The following FAM83B variants were observed in gnomAD, a reference collection of about 807,000 sequenced individuals.
FAM83B encodes protein FAM83B.
FAM83B carries 26 observed loss-of-function variants against 38.8 expected under a neutral mutation model. The ratio of observed to expected loss-of-function variants is 0.67; its 90% CI spans 0.49 to 0.93. The LOEUF is 0.93. Among genes scored for constraint, FAM83B ranks in the 40% least tolerant of loss-of-function variants. The pLI, the probability that FAM83B is intolerant of heterozygous loss-of-function variation, is 0.00. For missense variants in FAM83B, 1,237 were observed against 1,197.3 expected (o/e 1.03, Z -0.49); for synonymous variants, 419 against 423.1 (o/e 0.99, Z 0.12).
chr6:54,875,949 T>C (rs1367341491), intron 2 of FAM83B, among the ~76,000 whole-genome samples: 1 of 152,008 alleles, frequency 6.6e-6, no homozygotes, highest in African/African-American at 2.4e-5. Context: ...AAGCAAAAAA[T>C]TAAAAAAGTA....
chr6:54,866,714 T>C (rs183951276), intron 1 of FAM83B, among the ~76,000 whole-genome samples: 14 of 152,254 alleles, frequency 9.2e-5, no homozygotes, highest in Non-Finnish European at 1.9e-4. Flanking sequence ...TGTCAGGCTA[T>C]TATGAATAGA....
chr6:54,927,440 G>T, intron 3 of FAM83B, 68 bp from the exon 4 acceptor site: 1 of 1,294,080 alleles, frequency 7.7e-7, no homozygotes, highest in Non-Finnish European at 1.0e-6. Context: ...ATCATGATAT[G>T]GATTTTGGTT....
At chr6:54,870,739 G>A in intron 2 of FAM83B, 49 bp downstream of exon 2, 1 of 1,467,524 alleles carries the variant, frequency 6.8e-7, no homozygotes, top group Non-Finnish European at 9.2e-7. Flanking sequence ...ATGTAGAAAA[G>A]TAGAGAGAGT....
chr6:54,931,003 T>C (rs1455971358), intron 4 of FAM83B, among the ~76,000 whole-genome samples: 1 of 152,142 alleles, frequency 6.6e-6, no homozygotes, highest in Non-Finnish European at 1.5e-5. Context: ...TGTGTTTTTA[T>C]ATTCATTTGT....
chr6:54,890,517 T>C (rs1772375791), intron 2 of FAM83B, among the ~76,000 whole-genome samples: 1 of 152,038 alleles, frequency 6.6e-6, no homozygotes, highest in Non-Finnish European at 1.5e-5. Context: ...TTTTTAAGGG[T>C]GAGATCAAAG....
At chr6:54,908,254 A>G (rs978900479) in intron 2 of FAM83B, among the ~76,000 whole-genome samples, 4 of 151,316 alleles carry the variant, frequency 2.6e-5, no homozygotes, top group Non-Finnish European at 5.9e-5. Context: ...TTATTCCCTT[A>G]TGTTTTTTCT....
intron 4 of FAM83B, among the ~76,000 whole-genome samples, chr6:54,935,491 C>T (rs1318617749): frequency 6.6e-6 from 1 of 151,960 alleles, no homozygotes; most frequent in Non-Finnish European, 1.5e-5. Flanking sequence ...GATCCTGGGG[C>T]AGATATCTGG....
intron 2 of FAM83B, among the ~76,000 whole-genome samples, chr6:54,911,334 C>T (rs1772905757): frequency 6.6e-6 from 1 of 151,322 alleles, no homozygotes; most frequent in African/African-American, 2.4e-5. Flanking sequence ...GGCAGTCTGA[C>T]ATTAAGTCTA....
intron 2 of FAM83B, among the ~76,000 whole-genome samples, chr6:54,915,524 TGGCCGGGCGCGGTGG>T (rs1773014284): frequency 7.1e-6 from 1 of 141,066 alleles, no homozygotes; most frequent in African/African-American, 3.0e-5. Context: ...CTCACATTTC[TGGCCGGGCGCGGTGG>T]CTCACGCCTG....
At position 54,916,399 on chromosome 6, in the gene FAM83B, T is replaced by C. The variant is rs1173175814; in HGVS notation, c.445-9972T>C. ...GGAGAATTTTTTTTTCTTTAATCAC[T>C]TTGCCAAAATCTAGATTCTGAACCT... On this transcript the variant is annotated intron_variant, in intron 2 of 4. Transcript: ENST00000306858. Among the ~76,000 whole-genome samples the C allele has an allele frequency of 4.6e-5, 7 of 152,132 alleles. No homozygotes were observed. In the East Asian group the frequency reaches 1.3e-3, roughly 29 times the overall value.
intron 2 of FAM83B, among the ~76,000 whole-genome samples, chr6:54,915,848 T>C: frequency 6.8e-6 from 1 of 147,722 alleles, no homozygotes; most frequent in Non-Finnish European, 1.5e-5. Context: ...GAAACTCACA[T>C]TTCTAACTCA....
chr6:54,925,355 C>G (rs948250427), intron 2 of FAM83B, among the ~76,000 whole-genome samples: 1 of 152,098 alleles, frequency 6.6e-6, no homozygotes, highest in Non-Finnish European at 1.5e-5. Context: ...ATGTAAGCTT[C>G]ATAAGGGCAG....
intron 2 of FAM83B, among the ~76,000 whole-genome samples, chr6:54,909,523 A>T (rs532266663): frequency 2.6e-5 from 4 of 152,336 alleles, no homozygotes; most frequent in Non-Finnish European, 4.4e-5. Flanking sequence ...AAAAAGATGA[A>T]ATATTCATTA....
At chr6:54,929,206 G>A (rs924642998) in intron 4 of FAM83B, among the ~76,000 whole-genome samples, 4 of 151,602 alleles carry the variant, frequency 2.6e-5, no homozygotes, top group Admixed American at 2.0e-4. Flanking sequence ...AACAATATTC[G>A]AACGAGATGT....
At chr6:54,862,333 G>A (rs913453650) in intron 1 of FAM83B, among the ~76,000 whole-genome samples, 1 of 152,168 alleles carries the variant, frequency 6.6e-6, no homozygotes, top group African/African-American at 2.4e-5. Flanking sequence ...AAAAGGAGAA[G>A]GTGTAGTCCA....
chr6:54,882,424 G>A lies in FAM83B; in HGVS notation c.444+11734G>A, dbSNP rs1374616346. The stretch of plus-strand genomic sequence containing the variant: ...TTATTGCCCTTTTTTTAGAGGTGAG[G>A]AATAAAAAAATAATTTTTTCTAGGC... On this transcript the variant is annotated intron_variant, in intron 2 of 4. Coordinates refer to ENST00000306858, the MANE Select transcript of FAM83B (RefSeq NM_001010872.3). Among the ~76,000 whole-genome samples the A allele has an allele frequency of 3.3e-5, 5 of 152,012 alleles. No homozygotes were observed. In the South Asian group the frequency reaches 8.3e-4, roughly 25 times the overall value.
chr6:54,921,916 G>T (rs1331814493), intron 2 of FAM83B, among the ~76,000 whole-genome samples: 5 of 151,810 alleles, frequency 3.3e-5, no homozygotes, highest in Non-Finnish European at 7.4e-5. Flanking sequence ...ATTATATTTT[G>T]CCTTTTGCAG....
chr6:54,902,216 G>A (rs574396164), intron 2 of FAM83B, among the ~76,000 whole-genome samples: 1 of 152,194 alleles, frequency 6.6e-6, no homozygotes, highest in South Asian at 2.1e-4. Flanking sequence ...CATTTCAGAG[G>A]TGTTTGCAAA....
chr6:54,940,604 G>A lies in FAM83B; in HGVS notation c.1633G>A (p.Val545Ile), dbSNP rs201084361. The A allele has an allele frequency of 5.0e-6, 8 of 1,613,986 alleles. No homozygotes were observed. The East Asian group carries it at 1.8e-4, about 36-fold the overall frequency. The change falls in exon 5 of 5, where the codon GTA becomes ATA. Residue 545 changes from valine to isoleucine, a missense_variant. By Grantham distance (29) the Val-to-Ile change is conservative. Coordinates refer to ENST00000306858, the MANE Select transcript of FAM83B (RefSeq NM_001010872.3). ...YTHSRLRSSL[V>I]FKPTLPEQKE... is the part of the protein sequence containing the mutation. ...TCATTCTCGGCTTCGTTCCTCTTTA[G>A]TATTTAAACCCACTTTACCTGAGCA...
Sources: allele counts gnomAD v4.1 joint callset (sites outside exome capture counted in the v4.1 genomes callset), GRCh38; gene constraint gnomAD v4.1.1; transcripts MANE v1.5; gene names NCBI Gene and HGNC (gene_info 2026-07-23, HGNC 2026-07-21).